CELF2: variants seen among roughly 807,000 people sequenced by gnomAD.
The protein encoded by CELF2 is CUGBP Elav-like family member 2.
A neutral mutation model predicts 62.6 loss-of-function variants in CELF2; 8 were observed. The ratio of observed to expected loss-of-function variants is 0.13; its 90% confidence interval spans 0.07 to 0.23. The LOEUF (loss-of-function observed/expected upper bound fraction) is 0.23. CELF2 is among the 10% of genes least tolerant of loss of function. The pLI, the probability that CELF2 is intolerant of heterozygous loss-of-function variation, is 1.00. For synonymous variants in CELF2, 258 were observed against 250.0 expected (o/e 1.03, Z -0.30); for missense variants, 333 against 671.0 (o/e 0.50, Z 5.56).
chr10:10,506,269 C>CGTGTGTGTGTGTGTGTGT, the CELF2 span, among the ~76,000 whole-genome samples: 81 of 146,810 alleles, frequency 5.5e-4, no homozygotes, highest in Middle Eastern at 6.9e-3. Flanking sequence ...AGATGCACTT[C>CGTGTGTGTGTGTGTGTGT]GTGTGTGTGT....
intron 1 of CELF2, among the ~76,000 whole-genome samples, chr10:11,026,020 A>G (rs1220406585): frequency 6.6e-6 from 1 of 152,140 alleles, no homozygotes; most frequent in African/African-American, 2.4e-5. Context: ...CTCAGTGGCA[A>G]TTAAGATGTT....
chr10:10,729,020 C>T, the CELF2 span, among the ~76,000 whole-genome samples: 9 of 151,942 alleles, frequency 5.9e-5, no homozygotes, highest in African/African-American at 1.9e-4. Context: ...TGTAAAGCGC[C>T]GGCTGTATGT....
rs1470933796 is a variant in CELF2, at chr10:11,227,909, C to G, written c.354+10402C>G. ...GTGTATTTTAATCTGTGACATTCCACACTTTGTGTACTCACCAGCACATAC... is the reference window on the plus strand; with the variant it reads ...GTGTATTTTAATCTGTGACATTCCAGACTTTGTGTACTCACCAGCACATAC... On this transcript the variant is annotated intron_variant, in intron 3 of 12. Coordinates refer to ENST00000633077, the MANE Select transcript of CELF2 (RefSeq NM_001326342.2). This position sits in a 1 kb window ranked among gnomAD's most constrained non-coding sequence, Gnocchi z 4.8. Among the ~76,000 whole-genome samples the G allele has an allele frequency of 6.6e-6, 1 of 152,222 alleles. No individual in the cohort carries two copies. The highest frequency in any genetic ancestry group is 1.5e-5 in the Non-Finnish European group (1 of 68,040).
chr10:10,678,826 A>G, the CELF2 span, among the ~76,000 whole-genome samples: 64 of 152,306 alleles, frequency 4.2e-4, no homozygotes, highest in East Asian at 0.012. Flanking sequence ...TCTACTGGGG[A>G]TCTGAGCTTT....
chr10:10,995,846 A>G lies in CELF2; in HGVS notation c.89+75847A>G, dbSNP rs1049572586. ...TTCAACAGATTCTCGTCTCTCTGACAATGTAAACTCATGGGCATTCTAGTT... is the reference window on the plus strand; with the variant it reads ...TTCAACAGATTCTCGTCTCTCTGACGATGTAAACTCATGGGCATTCTAGTT... On this transcript the variant is annotated intron_variant, in intron 2 of 13. Transcript: ENST00000636488. This position sits in a 1 kb window ranked among gnomAD's most constrained non-coding sequence, Gnocchi z 4.7. 1.3e-5 allele frequency among the ~76,000 whole-genome samples: 2 copies of G among 152,202 alleles called. No homozygotes were observed. The highest frequency in any genetic ancestry group is 2.4e-5 in the African/African-American group (1 of 41,452).
At chr10:11,210,733 C>T (rs2061587119) in intron 2 of CELF2, among the ~76,000 whole-genome samples, 2 of 152,118 alleles carry the variant, frequency 1.3e-5, no homozygotes, top group Non-Finnish European at 2.9e-5. Flanking sequence ...TACGCGGGGT[C>T]AGCTCCTGCC....
chr10:10,751,300 C>G, the CELF2 span, among the ~76,000 whole-genome samples: 1 of 152,182 alleles, frequency 6.6e-6, no homozygotes, highest in African/African-American at 2.4e-5. Flanking sequence ...TCACTGCGTT[C>G]CATGAGGAAG....
At chr10:10,943,425 T>A (rs2047267920) in intron 2 of CELF2, among the ~76,000 whole-genome samples, 1 of 152,114 alleles carries the variant, frequency 6.6e-6, no homozygotes, top group Non-Finnish European at 1.5e-5. Context: ...GAGCAGAAAC[T>A]CATGTGCATA....
At chr10:10,812,312 C>A (rs372414346) in intron 1 of CELF2, among the ~76,000 whole-genome samples, 1 of 152,104 alleles carries the variant, frequency 6.6e-6, no homozygotes, top group East Asian at 1.9e-4. Flanking sequence ...ACCATGAGAA[C>A]GGTATGGGTG....
Position 10,842,877 on chromosome 10 carries a change from T to C in CELF2, c.53+44060T>C, listed in dbSNP as rs191591685. Among the ~76,000 whole-genome samples, 14 of 152,188 alleles carry C rather than the reference T, an allele frequency of 9.2e-5. No individual in the cohort carries two copies. In the East Asian group the frequency reaches 2.7e-3, roughly 29 times the overall value. On this transcript the variant is annotated intron_variant, in intron 1 of 13. Transcript: ENST00000636488. ...ATGTGGAGAATTGGCATTATTTCTT[T>C]AGTAAATTGTTGGTGGATTCACCAG...
chr10:11,120,693 A>G (rs1017025765), intron 1 of CELF2, among the ~76,000 whole-genome samples: 1 of 152,168 alleles, frequency 6.6e-6, no homozygotes, highest in African/African-American at 2.4e-5. Context: ...TGCTGCATCT[A>G]GGGAGTGCTT....
chr10:10,989,945 A>T (rs903070979), intron 2 of CELF2, among the ~76,000 whole-genome samples: 8 of 152,192 alleles, frequency 5.3e-5, no homozygotes, highest in Admixed American at 5.2e-4. Flanking sequence ...TCATCATAGT[A>T]CAAATTTAAA....
At chr10:10,920,320 A>G (rs186224854) in intron 2 of CELF2, among the ~76,000 whole-genome samples, 1 of 152,274 alleles carries the variant, frequency 6.6e-6, no homozygotes, top group Admixed American at 6.5e-5. Flanking sequence ...TATTATGTTC[A>G]CGGGAATTGG....
chr10:10,574,400 C>T, the CELF2 span, among the ~76,000 whole-genome samples: 1 of 152,090 alleles, frequency 6.6e-6, no homozygotes, highest in East Asian at 1.9e-4. Context: ...AGATAATTGC[C>T]TACTCCACAG....
At chr10:10,644,223 G>C in the CELF2 span, among the ~76,000 whole-genome samples, 2 of 152,168 alleles carry the variant, frequency 1.3e-5, no homozygotes, top group African/African-American at 2.4e-5. Context: ...ATGGATATTA[G>C]AAAAATCTCA....
intron 1 of CELF2, among the ~76,000 whole-genome samples, chr10:10,875,988 T>C (rs9424102): frequency 0.23 from 34,672 of 152,140 alleles, 4,093 homozygotes; most frequent in South Asian, 0.29. Context: ...CTACAGGGAT[T>C]GTAAGTACTG....
chr10:11,040,881 T>A (rs1479046584), intron 1 of CELF2, among the ~76,000 whole-genome samples: 1 of 152,252 alleles, frequency 6.6e-6, no homozygotes, highest in Non-Finnish European at 1.5e-5. Flanking sequence ...TCTGTTTAGC[T>A]CCATCTCTGT....
chr10:10,503,970 C>T, the CELF2 span, among the ~76,000 whole-genome samples: 1 of 152,098 alleles, frequency 6.6e-6, no homozygotes, highest in African/African-American at 2.4e-5. Context: ...CTGATATCAT[C>T]ATTTTACCAG....
chr10:11,063,404 A>G lies in CELF2; in HGVS notation c.74+45241A>G, dbSNP rs144848468. ...CATGACTTATCTATAAAATCTCCAC[A>G]TGGGAACATATACATGTCAATATTG... On this transcript the variant is annotated intron_variant, in intron 1 of 12. Transcript: ENST00000633077. 1.9e-3 allele frequency among the ~76,000 whole-genome samples: 287 copies of G among 152,332 alleles called. 1 individual carries two copies. Among genetic ancestry groups the G allele is most frequent in the African/African-American group, 6.3e-3 (263 of 41,568 alleles).
Sources: allele counts gnomAD v4.1 joint callset (sites outside exome capture counted in the v4.1 genomes callset), GRCh38; gene constraint gnomAD v4.1.1; non-coding constraint Gnocchi (gnomAD v3.1); transcripts MANE v1.5; gene names NCBI Gene and HGNC (gene_info 2026-07-23, HGNC 2026-07-21).